TDRP: variants seen among roughly 807,000 people sequenced by gnomAD.
The protein encoded by TDRP is testis development-related protein.
Under a neutral mutation model 10.5 loss-of-function variants are expected in TDRP, and 12 were observed. The ratio of observed to expected loss-of-function variants is 1.15; its 90% CI spans 0.73 to 1.86. The LOEUF is 1.86. TDRP is among the 40% of genes most tolerant of loss of function. The pLI, the probability that TDRP is intolerant of heterozygous loss-of-function variation, is 0.00. For synonymous variants in TDRP, 139 were observed against 95.4 expected (o/e 1.46, Z -2.67); for missense variants, 353 against 229.2 (o/e 1.54, Z -3.49).
intron 1 of TDRP, among the ~76,000 whole-genome samples, chr8:505,396 T>G (rs1343684856): frequency 6.6e-6 from 1 of 152,232 alleles, no homozygotes; most frequent in Non-Finnish European, 1.5e-5. Flanking sequence ...AATATTGTTT[T>G]CCATAATATT....
chr8:518,661 G>C (rs189622344), intron 1 of TDRP, among the ~76,000 whole-genome samples: 191 of 152,010 alleles, frequency 1.3e-3, no homozygotes, highest in African/African-American at 4.5e-3. Context: ...TTTAAATGAA[G>C]CCATAAAGGA....
intron 1 of TDRP, among the ~76,000 whole-genome samples, chr8:536,661 T>A (rs775159656): frequency 6.6e-6 from 1 of 152,242 alleles, no homozygotes; most frequent in African/African-American, 2.4e-5. Context: ...TGATTACCTA[T>A]TGATGTAATA....
intron 1 of TDRP, among the ~76,000 whole-genome samples, chr8:512,915 T>C (rs1045291454): frequency 6.6e-6 from 1 of 151,254 alleles, no homozygotes; most frequent in African/African-American, 2.4e-5. Context: ...GAGGTTGCAG[T>C]GAGCCAAGAT....
At chr8:524,650 T>G (rs1419941265) in intron 1 of TDRP, among the ~76,000 whole-genome samples, 1 of 152,012 alleles carries the variant, frequency 6.6e-6, no homozygotes, top group Non-Finnish European at 1.5e-5. Context: ...ATTTACAAGC[T>G]AAAAAATTAA....
At chr8:526,330 A>C (rs1802034417) in intron 1 of TDRP, among the ~76,000 whole-genome samples, 1 of 152,188 alleles carries the variant, frequency 6.6e-6, no homozygotes, top group Admixed American at 6.5e-5. Context: ...CTGGGTTGTC[A>C]GTATGATACT....
chr8:496,521 C>G (rs967868427), intron 1 of TDRP, among the ~76,000 whole-genome samples: 1 of 152,204 alleles, frequency 6.6e-6, no homozygotes, highest in Non-Finnish European at 1.5e-5. Flanking sequence ...GGCCAGGAAG[C>G]AAAGCCAAGG....
chr8:506,673 C>G (rs1801473572), intron 1 of TDRP, among the ~76,000 whole-genome samples: 2 of 152,216 alleles, frequency 1.3e-5, no homozygotes, highest in Non-Finnish European at 2.9e-5. Flanking sequence ...CAGAGCAGGA[C>G]TGTCACTCGG....
intron 2 of TDRP, among the ~76,000 whole-genome samples, chr8:494,177 G>C (rs1801063993): frequency 6.6e-6 from 1 of 151,316 alleles, no homozygotes; most frequent in Non-Finnish European, 1.5e-5. Flanking sequence ...TGGCCAGGCT[G>C]GTCTTGAACT....
intron 1 of TDRP, among the ~76,000 whole-genome samples, chr8:544,403 T>G (rs1338266020): frequency 1.3e-5 from 2 of 151,814 alleles, no homozygotes; most frequent in African/African-American, 4.8e-5. Flanking sequence ...CCTGGCCAGT[T>G]AAGCGGGGAG....
chr8:518,967 G>A (rs191424167), intron 1 of TDRP, among the ~76,000 whole-genome samples: 19 of 152,160 alleles, frequency 1.2e-4, no homozygotes, highest in African/African-American at 4.3e-4. Context: ...ACTGACAGGA[G>A]GCTGGTAGAG....
chr8:510,962 T>TA (rs1801599895), intron 1 of TDRP, among the ~76,000 whole-genome samples: 1 of 152,082 alleles, frequency 6.6e-6, no homozygotes, highest in African/African-American at 2.4e-5. Flanking sequence ...AAGATGAGGG[T>TA]AGAAGCAAAG....
chr8:532,924 G>A (rs937864220), intron 1 of TDRP, among the ~76,000 whole-genome samples: 35 of 152,132 alleles, frequency 2.3e-4, no homozygotes, highest in Admixed American at 2.3e-3. Context: ...GGACCCCAAA[G>A]CCTAAAACAG....
chr8:534,945 CA>C (rs1221520239), intron 1 of TDRP, among the ~76,000 whole-genome samples: 2 of 152,158 alleles, frequency 1.3e-5, no homozygotes, highest in African/African-American at 4.8e-5. Context: ...CAAACCAAGA[CA>C]CGCTCTGACT....
rs754630550 is a variant in TDRP, at chr8:492,366, C to T, written c.*33G>A. On this transcript the variant is annotated 3_prime_UTR_variant, in exon 3 of 3. Coordinates refer to ENST00000324079, the MANE Select transcript of TDRP (RefSeq NM_001384899.1). Reference sequence around the variant, plus strand: ...TACATGGTATACTCATAAAAGGCCACCATGTCGGGGCACACTTGCCACGCA... The same window carrying T: ...TACATGGTATACTCATAAAAGGCCATCATGTCGGGGCACACTTGCCACGCA... 4 of 1,463,572 alleles carry T rather than the reference C, an allele frequency of 2.7e-6. No homozygotes were observed. The highest frequency in any genetic ancestry group is 1.4e-5 in the African/African-American group (1 of 70,480). 90.7% of individuals were successfully genotyped at this position (1,463,572 alleles called of 1,614,324 possible).
chr8:541,917 G>A (rs551539496), intron 1 of TDRP, among the ~76,000 whole-genome samples: 1 of 152,264 alleles, frequency 6.6e-6, no homozygotes, highest in South Asian at 2.1e-4. Flanking sequence ...ACCCAAGTTG[G>A]AAACTTAAAT....
At chr8:532,347 C>T (rs1411556839) in intron 1 of TDRP, among the ~76,000 whole-genome samples, 1 of 152,208 alleles carries the variant, frequency 6.6e-6, no homozygotes, top group Non-Finnish European at 1.5e-5. Flanking sequence ...AACCTGCAAT[C>T]TGTCTCAGAA....
At chr8:539,964 T>G (rs1459874366) in intron 1 of TDRP, among the ~76,000 whole-genome samples, 1 of 152,228 alleles carries the variant, frequency 6.6e-6, no homozygotes, top group Non-Finnish European at 1.5e-5. Flanking sequence ...GCTTTTTAAA[T>G]TTGTAAGTGA....
At chr8:499,690 C>T (rs1801233156) in intron 1 of TDRP, among the ~76,000 whole-genome samples, 1 of 152,258 alleles carries the variant, frequency 6.6e-6, no homozygotes. Flanking sequence ...CAGAAAGAAT[C>T]CATCAAAACC....
chr8:515,269 ATCAT>A lies in TDRP; in HGVS notation c.109-20676_109-20673del, dbSNP rs372697705. The stretch of plus-strand genomic sequence containing the variant: ...TGACTTTGTAACTGCTCACTTAGCA[ATCAT>A]TCAGACAGAAAAAAATGTAAAATTA... On this transcript the variant is annotated intron_variant, in intron 1 of 2. Coordinates refer to ENST00000324079, the MANE Select transcript of TDRP (RefSeq NM_001384899.1). Among the ~76,000 whole-genome samples the A allele has an allele frequency of 1.6e-3, 244 of 152,348 alleles. 1 individual carries two copies. Among genetic ancestry groups the A allele is most frequent in the African/African-American group, 5.6e-3 (232 of 41,596 alleles).
Sources: allele counts gnomAD v4.1 joint callset (sites outside exome capture counted in the v4.1 genomes callset), GRCh38; gene constraint gnomAD v4.1.1; transcripts MANE v1.5; gene names NCBI Gene and HGNC (gene_info 2026-07-23, HGNC 2026-07-21).